Variants in AFF2 observed in about 807,000 individuals in gnomAD.
AFF2 encodes the protein AF4/FMR2 family member 2.
AFF2 carries 14 observed loss-of-function variants against 76.9 expected under a neutral mutation model. The ratio of observed to expected loss-of-function variants is 0.18; its 90% confidence interval spans 0.12 to 0.28. The LOEUF is 0.28. Ranked by LOEUF, AFF2 falls within the 10% of genes least tolerant of loss-of-function variation. AFF2 has a pLI of 1.00. For synonymous variants in AFF2, 398 were observed against 366.7 expected (o/e 1.09, Z -0.98); for missense variants, 868 against 1,001.1 (o/e 0.87, Z 1.79).
At chrX:148,906,268 C>T (rs1194754547) in intron 9 of AFF2, among the ~76,000 whole-genome samples, 1 of 112,023 alleles carries the variant, frequency 8.9e-6, no homozygotes, top group East Asian at 2.8e-4. Context: ...ACATCAAAGG[C>T]ATCCCTCTTG....
chrX:148,708,696 A>G (rs1375573655), intron 3 of AFF2, among the ~76,000 whole-genome samples: 2 of 112,254 alleles, frequency 1.8e-5, no homozygotes, highest in Non-Finnish European at 1.9e-5. Flanking sequence ...CCTGGGTGAT[A>G]GAGTGAGACT....
At chrX:148,887,054 G>A (rs904760168) in intron 8 of AFF2, among the ~76,000 whole-genome samples, 5 of 112,669 alleles carry the variant, frequency 4.4e-5, no homozygotes, top group Non-Finnish European at 9.4e-5. Context: ...ACGTTATGTG[G>A]CCAAAACTTT....
At chrX:148,597,022 G>A (rs933232437) in intron 1 of AFF2, among the ~76,000 whole-genome samples, 12 of 111,784 alleles carry the variant, frequency 1.1e-4, no homozygotes, top group African/African-American at 3.9e-4. Flanking sequence ...TCTACAGAAA[G>A]GGTTATGACA....
chrX:148,688,283 T>A (rs782590558), intron 3 of AFF2, among the ~76,000 whole-genome samples: 2 of 111,402 alleles, frequency 1.8e-5, no homozygotes, highest in Admixed American at 1.9e-4. Context: ...CCTCTGGAGA[T>A]CCCCTTGTGA....
At chrX:148,661,756 C>A in intron 2 of AFF2, 152 bp from the exon 3 acceptor site, 1 of 605,489 alleles carries the variant, frequency 1.7e-6, no homozygotes, top group Non-Finnish European at 2.5e-6. Flanking sequence ...TCTTACATAG[C>A]ACATGAAAAG....
intron 3 of AFF2, among the ~76,000 whole-genome samples, chrX:148,729,997 T>C (rs1557264549): frequency 8.9e-6 from 1 of 111,838 alleles, no homozygotes; most frequent in Non-Finnish European, 1.9e-5. Flanking sequence ...GTGTGAGTGG[T>C]AGCATATCTG....
intron 3 of AFF2, among the ~76,000 whole-genome samples, chrX:148,664,932 C>G (rs1242178116): frequency 8.9e-6 from 1 of 112,336 alleles, no homozygotes; most frequent in Non-Finnish European, 1.9e-5. Flanking sequence ...TACTGAATGA[C>G]TTAATACAGG....
intron 3 of AFF2, among the ~76,000 whole-genome samples, chrX:148,744,135 T>C (rs1557265918): frequency 1.8e-5 from 2 of 110,607 alleles, no homozygotes; most frequent in African/African-American, 6.6e-5. Context: ...ATTTTTCAAA[T>C]TGATACCTTC....
At chrX:148,854,966 T>A (rs906316518) in intron 7 of AFF2, among the ~76,000 whole-genome samples, 7 of 111,634 alleles carry the variant, frequency 6.3e-5, no homozygotes, top group Non-Finnish European at 1.3e-4. Flanking sequence ...AGAAAATGAC[T>A]CTTTAACTCT....
intron 4 of AFF2, among the ~76,000 whole-genome samples, chrX:148,829,808 C>G (rs1285840293): frequency 8.9e-6 from 1 of 111,884 alleles, no homozygotes; most frequent in Non-Finnish European, 1.9e-5. Context: ...AGACAGTAGG[C>G]TCCATGATTG....
At chrX:148,712,224 G>A (rs2054975550) in intron 3 of AFF2, among the ~76,000 whole-genome samples, 1 of 111,804 alleles carries the variant, frequency 8.9e-6, no homozygotes, top group Non-Finnish European at 1.9e-5. Flanking sequence ...GGATTTGGAA[G>A]TATAGAATCT....
chrX:148,989,842 G>A (rs1171149032), intron 20 of AFF2, among the ~76,000 whole-genome samples: 2 of 111,994 alleles, frequency 1.8e-5, no homozygotes, highest in African/African-American at 6.5e-5. Flanking sequence ...TGAGCCAATG[G>A]CACTTATGCT....
chrX:148,541,533 T>G (rs184029207), intron 1 of AFF2, among the ~76,000 whole-genome samples: 1 of 111,513 alleles, frequency 9.0e-6, no homozygotes, highest in East Asian at 2.8e-4. Context: ...GCCATTAAGT[T>G]GTAATCCACC....
At chrX:148,518,687 G>A (rs1158443196) in intron 1 of AFF2, among the ~76,000 whole-genome samples, 1 of 111,921 alleles carries the variant, frequency 8.9e-6, no homozygotes, top group Admixed American at 9.5e-5. Context: ...TTAGATAAAG[G>A]TTGAACTAGA....
chrX:148,793,400 C>T (rs1473118221), intron 3 of AFF2, among the ~76,000 whole-genome samples: 1 of 111,680 alleles, frequency 9.0e-6, no homozygotes, highest in Non-Finnish European at 1.9e-5. Flanking sequence ...ACAGCTTTAA[C>T]AATTACCCCA....
chrX:148,891,873 A>G (rs1385170346), intron 8 of AFF2, among the ~76,000 whole-genome samples: 2 of 112,026 alleles, frequency 1.8e-5, no homozygotes, highest in African/African-American at 6.5e-5. Context: ...TAACATTAGT[A>G]ACATCTTATT....
Position 148,592,004 on chromosome X carries a change from G to C in AFF2, c.48-59995G>C, listed in dbSNP as rs1463434782. 3.6e-5 allele frequency among the ~76,000 whole-genome samples: 4 copies of C among 111,787 alleles called. No individual in the cohort carries two copies. The Admixed American group carries it at 3.8e-4, about 11-fold the overall frequency. ...AAACTCCTGTGTCATGGCTGATGGAGCCTTTATGAGCTTTTTAGCCAAATG... is the reference window on the plus strand; with the variant it reads ...AAACTCCTGTGTCATGGCTGATGGACCCTTTATGAGCTTTTTAGCCAAATG... On this transcript the variant is annotated intron_variant, in intron 1 of 20. Transcript: ENST00000370460.
At chrX:148,624,536 A>G (rs1309083903) in intron 1 of AFF2, among the ~76,000 whole-genome samples, 2 of 112,305 alleles carry the variant, frequency 1.8e-5, no homozygotes, top group Admixed American at 1.9e-4. Context: ...TTCTTTATGT[A>G]TAGATATACT....
intron 3 of AFF2, among the ~76,000 whole-genome samples, chrX:148,691,703 G>T (rs1231695743): frequency 1.8e-5 from 2 of 111,853 alleles, no homozygotes; most frequent in African/African-American, 3.3e-5. Flanking sequence ...TGGAGTATCA[G>T]CTGTGTTGGG....
Sources: gnomAD v4.1 joint callset for allele counts (sites outside exome capture counted in the v4.1 genomes callset) on GRCh38, gnomAD v4.1.1 for gene constraint, MANE v1.5 for transcripts, NCBI Gene and HGNC (gene_info 2026-07-23, HGNC 2026-07-21) for gene names.